CHSY3: variants seen among roughly 807,000 people sequenced by gnomAD.
The protein encoded by CHSY3 is chondroitin sulfate synthase 3.
CHSY3 carries 35 observed loss-of-function variants against 67.2 expected under a neutral mutation model. The observed-to-expected ratio is 0.52, with a 90% confidence interval of 0.40 to 0.69. The LOEUF (loss-of-function observed/expected upper bound fraction) is 0.69, where lower values mean the gene tolerates loss of function less well. Among genes scored for constraint, CHSY3 ranks in the 30% least tolerant of loss-of-function variants. The pLI, the probability that CHSY3 is intolerant of heterozygous loss-of-function variation, is 0.00. For missense variants in CHSY3, 1,069 were observed against 1,138.5 expected (o/e 0.94, Z 0.88); for synonymous variants, 474 against 434.7 (o/e 1.09, Z -1.12).
At chr5:130,122,771 A>G (rs1401562363) in intron 2 of CHSY3, among the ~76,000 whole-genome samples, 1 of 152,226 alleles carries the variant, frequency 6.6e-6, no homozygotes, top group East Asian at 1.9e-4. Flanking sequence ...AGCCAGGAAT[A>G]AGCTTGTTAA....
chr5:130,076,541 G>A (rs1044880410), intron 2 of CHSY3, among the ~76,000 whole-genome samples: 4 of 151,122 alleles, frequency 2.6e-5, no homozygotes, highest in African/African-American at 9.7e-5. Context: ...ATAATTTCAG[G>A]CAAATAATTT....
At chr5:130,012,415 C>T (rs1005275126) in intron 2 of CHSY3, among the ~76,000 whole-genome samples, 2 of 152,180 alleles carry the variant, frequency 1.3e-5, no homozygotes, top group Non-Finnish European at 2.9e-5. Context: ...GAAATGTACT[C>T]CTTCCTTTCA....
intron 2 of CHSY3, among the ~76,000 whole-genome samples, chr5:130,055,276 T>C (rs1048192149): frequency 1.8e-4 from 22 of 121,926 alleles, no homozygotes; most frequent in African/African-American, 6.8e-4. Context: ...AATTTGCCCC[T>C]TGTAAAAAAA....
chr5:130,161,332 A>G (rs1383169570), intron 2 of CHSY3, among the ~76,000 whole-genome samples: 1 of 152,140 alleles, frequency 6.6e-6, no homozygotes, highest in Non-Finnish European at 1.5e-5. Context: ...GTTCTATTCT[A>G]CTGATCTATT....
intron 2 of CHSY3, among the ~76,000 whole-genome samples, chr5:129,940,754 G>T (rs975173546): frequency 6.6e-6 from 1 of 151,864 alleles, no homozygotes; most frequent in Non-Finnish European, 1.5e-5. Context: ...ATATTCATGT[G>T]TGTAGACTTT....
intron 2 of CHSY3, among the ~76,000 whole-genome samples, chr5:130,117,918 T>C (rs1175728039): frequency 6.6e-6 from 1 of 152,146 alleles, no homozygotes; most frequent in Non-Finnish European, 1.5e-5. Context: ...TAGGGCCTGG[T>C]GGGAGGGGAT....
intron 2 of CHSY3, among the ~76,000 whole-genome samples, chr5:129,951,158 A>C (rs1460895863): frequency 6.6e-6 from 1 of 152,212 alleles, no homozygotes; most frequent in Admixed American, 6.6e-5. Context: ...AGCCTCTTTA[A>C]TAAATAGTGT....
intron 2 of CHSY3, among the ~76,000 whole-genome samples, chr5:129,911,890 A>G (rs1399821456): frequency 1.3e-5 from 2 of 152,120 alleles, no homozygotes; most frequent in African/African-American, 4.8e-5. Context: ...CCCCGTCTCT[A>G]CTAAAAATAC....
In CHSY3 at chr5:129,954,183, C is replaced by G. The variant is rs144057803; in HGVS notation, c.1086+45823C>G. On this transcript the variant is annotated intron_variant, in intron 2 of 2. Transcript: ENST00000305031. ...AAGGTGTAAGGAAAGGGTGCAGTTT[C>G]AGTTTTCTGCATATGGCTAACCAGT... Among the ~76,000 whole-genome samples, 1,454 of 152,284 alleles carry G rather than the reference C, an allele frequency of 9.5e-3. 22 individuals carry two copies. The highest frequency in any genetic ancestry group is 0.033 in the African/African-American group (1,376 of 41,556).
chr5:130,134,102 G>A (rs1223335900), intron 2 of CHSY3, among the ~76,000 whole-genome samples: 1 of 152,174 alleles, frequency 6.6e-6, no homozygotes, highest in African/African-American at 2.4e-5. Flanking sequence ...AGTGGACAAT[G>A]AGGCTTACAG....
chr5:130,050,346 A>G (rs961540987), intron 2 of CHSY3, among the ~76,000 whole-genome samples: 2 of 152,130 alleles, frequency 1.3e-5, no homozygotes, highest in African/African-American at 2.4e-5. Context: ...GGTATCTTTA[A>G]GCAATATGTT....
chr5:130,091,761 A>C lies in CHSY3; in HGVS notation c.1087-92468A>C, dbSNP rs531378111. ...GATAGGGGGAAATGGCATTTTAAAAAACTGCACTCAAAAAGCACTTCAGGA... is the reference window on the plus strand; with the variant it reads ...GATAGGGGGAAATGGCATTTTAAAACACTGCACTCAAAAAGCACTTCAGGA... On this transcript the variant is annotated intron_variant, in intron 2 of 2. Coordinates refer to ENST00000305031, the MANE Select transcript of CHSY3 (RefSeq NM_175856.5). 9.8e-5 allele frequency among the ~76,000 whole-genome samples: 15 copies of C among 152,302 alleles called. No homozygotes were observed. The East Asian group carries it at 2.5e-3, about 26-fold the overall frequency.
At chr5:129,997,978 A>G (rs147534142) in intron 2 of CHSY3, among the ~76,000 whole-genome samples, 2,427 of 152,238 alleles carry the variant, frequency 0.016, 52 homozygotes, top group African/African-American at 0.054. Flanking sequence ...ATACGTGTGC[A>G]TGTGTCTTTA....
At chr5:129,914,118 CT>C (rs929582308) in intron 2 of CHSY3, among the ~76,000 whole-genome samples, 13 of 150,906 alleles carry the variant, frequency 8.6e-5, no homozygotes, top group South Asian at 2.1e-4. Flanking sequence ...ATAAATTTCC[CT>C]TTTTTTTTGA....
At chr5:130,110,963 T>G (rs1767575637) in intron 2 of CHSY3, among the ~76,000 whole-genome samples, 1 of 151,948 alleles carries the variant, frequency 6.6e-6, no homozygotes. Flanking sequence ...TTAATAAAAA[T>G]TGAATTTTTA....
chr5:130,146,665 G>A (rs909760878), intron 2 of CHSY3, among the ~76,000 whole-genome samples: 3 of 151,780 alleles, frequency 2.0e-5, no homozygotes, highest in Non-Finnish European at 4.4e-5. Flanking sequence ...TTAAGGTAAT[G>A]GATACTAAAT....
At position 130,081,739 on chromosome 5, in the gene CHSY3, C is replaced by G. The variant is rs547004246; in HGVS notation, c.1087-102490C>G. The stretch of plus-strand genomic sequence containing the variant: ...TTGCCTTCTACCATGTGAGATGTGC[C>G]TTTGCTCCTCCTTCACCTTCTGTGT... On this transcript the variant is annotated intron_variant, in intron 2 of 2. Transcript: ENST00000305031. Among the ~76,000 whole-genome samples the G allele has an allele frequency of 2.3e-4, 35 of 152,166 alleles. No individual in the cohort carries two copies. The East Asian group carries it at 6.6e-3, about 29-fold the overall frequency.
chr5:129,960,333 A>G (rs191450263), intron 2 of CHSY3, among the ~76,000 whole-genome samples: 15 of 152,226 alleles, frequency 9.9e-5, no homozygotes, highest in Admixed American at 6.6e-4. Flanking sequence ...GGTGAATACA[A>G]TGTCTCCAAA....
intron 2 of CHSY3, among the ~76,000 whole-genome samples, chr5:129,933,155 T>G (rs1278974285): frequency 6.6e-6 from 1 of 152,174 alleles, no homozygotes; most frequent in Non-Finnish European, 1.5e-5. Flanking sequence ...ATGGCATGGC[T>G]GATGAGCCAT....
Sources: gnomAD v4.1 joint callset for allele counts (sites outside exome capture counted in the v4.1 genomes callset) on GRCh38, gnomAD v4.1.1 for gene constraint, MANE v1.5 for transcripts, NCBI Gene and HGNC (gene_info 2026-07-23, HGNC 2026-07-21) for gene names.